The following CMIP variants were observed in gnomAD, a reference collection of about 807,000 sequenced individuals.
The protein encoded by CMIP is c-Maf inducing protein.
In CMIP, 13 loss-of-function variants were observed where a neutral mutation model predicts 97.3. The ratio of observed to expected loss-of-function variants is 0.13; its 90% CI spans 0.09 to 0.21. The LOEUF (loss-of-function observed/expected upper bound fraction) is 0.21. CMIP is among the 10% of genes least tolerant of loss of function. The pLI, the probability that CMIP is intolerant of heterozygous loss-of-function variation, is 1.00. For synonymous variants in CMIP, 538 were observed against 436.3 expected, an observed-to-expected ratio of 1.23 and a Z score of -2.91; for missense variants, 847 against 1,024.9, an observed-to-expected ratio of 0.83 and a Z score of 2.37.
At position 81,678,657 on chromosome 16, in the gene CMIP, C is replaced by G. The variant is rs780655020; in HGVS notation, c.1388+29C>G. ...AGTGCCCCCCCCGCGTGCCCGCCCC[C>G]GGGGCCGGTGGGAGGAGACTGGGCT... On this transcript the variant is annotated intron_variant, in intron 10 of 20. Transcript: ENST00000537098. The G allele has an allele frequency of 8.0e-6, 9 of 1,118,746 alleles. No homozygotes were observed. The African/African-American group carries it at 9.1e-5, about 11-fold the overall frequency. 69.3% of individuals were successfully genotyped at this position (1,118,746 alleles called of 1,614,324 possible). A position where few individuals can be genotyped will look rare whatever the true frequency, so the allele number is the denominator to read the frequency against.
In CMIP at chr16:81,476,368, GA is replaced by G. The variant is rs1377816966; in HGVS notation, c.300+30829del. On this transcript the variant is annotated intron_variant, in intron 1 of 20. Coordinates refer to ENST00000537098, the MANE Select transcript of CMIP (RefSeq NM_198390.3). Reference sequence around the variant, plus strand: ...CCCTGGAATGTTCCTGTGAAAGCAGGAACCCTTATAACCAACTCCTTTCTCT... The same window carrying G: ...CCCTGGAATGTTCCTGTGAAAGCAGGACCCTTATAACCAACTCCTTTCTCT... 6.9e-6 allele frequency: 9 copies of G among 1,303,176 alleles called. No homozygotes were observed. The African/African-American group carries it at 1.3e-4, about 19-fold the overall frequency. The allele number at this position is 1,303,176 out of a possible 1,614,324, so 80.7% of individuals were successfully genotyped here. A position where few individuals can be genotyped will look rare whatever the true frequency, so the allele number is the denominator to read the frequency against.
chr16:81,678,208 C>A, intron 9 of CMIP, 67 bp from the exon 10 acceptor site: 1 of 1,255,278 alleles, frequency 8.0e-7, no homozygotes, highest in Non-Finnish European at 1.1e-6. Flanking sequence ...GGCCTTTAGT[C>A]TGATGGGTCA....
intron 1 of CMIP, among the ~76,000 whole-genome samples, chr16:81,576,915 ACAT>A (rs1032649872): frequency 2.2e-4 from 33 of 152,162 alleles, no homozygotes; most frequent in African/African-American, 7.7e-4. Context: ...TGCTCTGATC[ACAT>A]CATCACCACC....
rs570263484 is a variant in CMIP at position 81,449,102 on chromosome 16, T to A, written c.300+3561T>A. Among the ~76,000 whole-genome samples the A allele has an allele frequency of 2.6e-5, 4 of 152,274 alleles. 1 individual carries two copies. The highest frequency in any genetic ancestry group is 5.9e-5 in the Non-Finnish European group (4 of 68,046). On this transcript the variant is annotated intron_variant, in intron 1 of 20. Transcript: ENST00000537098. ...GAGGGCTTTGTCTGTAGGCTTTGTTTCTTCTGCACCACAGAAGTACAAATA... is the reference window on the plus strand; with the variant it reads ...GAGGGCTTTGTCTGTAGGCTTTGTTACTTCTGCACCACAGAAGTACAAATA...
At chr16:81,648,955 C>T (rs1331607413) in intron 3 of CMIP, among the ~76,000 whole-genome samples, 1 of 152,062 alleles carries the variant, frequency 6.6e-6, no homozygotes, top group Non-Finnish European at 1.5e-5. Context: ...ATATCATGTG[C>T]TTGACAGTGC....
At chr16:81,678,183 C>G in intron 9 of CMIP, 92 bp from the exon 10 acceptor site, 2 of 954,692 alleles carry the variant, frequency 2.1e-6, no homozygotes, top group East Asian at 5.3e-5. Context: ...TTGGCCTCAT[C>G]CTGGGATTCA....
intron 1 of CMIP, among the ~76,000 whole-genome samples, chr16:81,516,739 T>C (rs183303381): frequency 6.6e-6 from 1 of 152,342 alleles, no homozygotes; most frequent in East Asian, 1.9e-4. Context: ...TGTACCACTG[T>C]GTCTGGGATG....
intron 1 of CMIP, among the ~76,000 whole-genome samples, chr16:81,561,846 A>G (rs1263620592): frequency 2.0e-5 from 3 of 152,356 alleles, no homozygotes; most frequent in Non-Finnish European, 4.4e-5. Context: ...TCAGATGCTC[A>G]GTAGCCAGCC....
intron 1 of CMIP, among the ~76,000 whole-genome samples, chr16:81,554,999 C>T (rs2090733588): frequency 6.6e-6 from 1 of 152,178 alleles, no homozygotes; most frequent in Admixed American, 6.5e-5. Flanking sequence ...GTAAGTCTGC[C>T]TCGACACACC....
intron 3 of CMIP, among the ~76,000 whole-genome samples, chr16:81,650,120 C>T (rs1181350205): frequency 3.9e-5 from 6 of 152,180 alleles, no homozygotes; most frequent in Admixed American, 6.5e-5. Context: ...CTGTCACCAT[C>T]GTCAACATCA....
chr16:81,562,097 G>C (rs2090894470), intron 1 of CMIP, among the ~76,000 whole-genome samples: 1 of 152,156 alleles, frequency 6.6e-6, no homozygotes. Flanking sequence ...GGAAGTGAGG[G>C]TTCCATGGTT....
At position 81,710,139 on chromosome 16, in the gene CMIP, C is replaced by G. The variant is rs1056682408; in HGVS notation, c.*340C>G. 7.5e-5 allele frequency: 24 copies of G among 318,772 alleles called. No individual in the cohort carries two copies. Among genetic ancestry groups the G allele is most frequent in the Non-Finnish European group, 3.6e-5 (6 of 168,906 alleles). 19.7% of individuals were successfully genotyped at this position (318,772 alleles called of 1,614,324 possible). A position where few individuals can be genotyped will look rare whatever the true frequency, so the allele number is the denominator to read the frequency against. On this transcript the variant is annotated 3_prime_UTR_variant, in exon 21 of 21. Transcript: ENST00000537098. Reference sequence around the variant, plus strand: ...TTTTCTTTGCCTTTGTGTTTGATGCCGTCGTGTGGGAAAAGTCAACTCCGA... The same window carrying G: ...TTTTCTTTGCCTTTGTGTTTGATGCGGTCGTGTGGGAAAAGTCAACTCCGA...
At position 81,620,908 on chromosome 16, in the gene CMIP, C is replaced by T. The variant is rs1031777271; in HGVS notation, c.459C>T (p.Phe153=). 1 of 1,613,972 alleles carries T rather than the reference C, an allele frequency of 6.2e-7. No individual in the cohort carries two copies. The highest frequency in any genetic ancestry group is 8.5e-7 in the Non-Finnish European group (1 of 1,179,882). ...AANSYLRDQW[F]HSLQWKKKIY... ...ATAGCTACCTGCGAGACCAGTGGTT[C>T]CATTCTCTGCAATGGAAGGTAAGTA... The change falls in exon 3 of 21, where the codon TTC becomes TTT. Residue 153 remains phenylalanine (F), a synonymous_variant. Transcript: ENST00000537098.
At position 81,696,636 on chromosome 16, in the gene CMIP, G is replaced by A; in HGVS notation, c.1607G>A (p.Cys536Tyr). The stretch of plus-strand genomic sequence containing the variant: ...CTCTACAGCCCCGGAGGGGTGGCCT[G>A]CGACGATGACGGGGAGCTGTTCGCC... ...FQLYSPGGVA[C>Y]DDDGELFASM... Residue 536 changes from cysteine (C) to tyrosine (Y), a missense_variant, in exon 14 of 21, where the codon TGC becomes TAC. By Grantham distance (194) the Cys-to-Tyr change is radical (BLOSUM62 -2). Around this residue, in one of 4 missense-constraint regions of CMIP, gnomAD observed 266 missense variants for 384.2 expected, o/e 0.69. Coordinates refer to ENST00000537098, the MANE Select transcript of CMIP (RefSeq NM_198390.3). The A allele has an allele frequency of 1.9e-6, 3 of 1,607,126 alleles. No homozygotes were observed. Among genetic ancestry groups the A allele is most frequent in the Non-Finnish European group, 1.7e-6 (2 of 1,179,822 alleles).
At chr16:81,677,748 C>A (rs957131793) in intron 9 of CMIP, among the ~76,000 whole-genome samples, 1 of 152,116 alleles carries the variant, frequency 6.6e-6, no homozygotes, top group Non-Finnish European at 1.5e-5. Context: ...GTGGGGGTTC[C>A]GCAGACAGAA....
intron 1 of CMIP, among the ~76,000 whole-genome samples, chr16:81,521,128 C>T (rs1454774072): frequency 1.3e-5 from 2 of 152,190 alleles, no homozygotes; most frequent in Admixed American, 1.3e-4. Flanking sequence ...GGCTTTTATA[C>T]CAAAAAATGG....
chr16:81,592,320 T>G (rs1036854389), intron 1 of CMIP, among the ~76,000 whole-genome samples: 11 of 152,186 alleles, frequency 7.2e-5, no homozygotes, highest in African/African-American at 2.7e-4. Flanking sequence ...TACCCAAGCC[T>G]CCTCTGACAA....
chr16:81,615,709 T>C (rs1206761097), intron 2 of CMIP, among the ~76,000 whole-genome samples: 1 of 151,328 alleles, frequency 6.6e-6, no homozygotes, highest in African/African-American at 2.4e-5. Context: ...GTGTCGTGTG[T>C]GTGCATGTGT....
At chr16:81,538,508 C>A (rs1158845909) in intron 1 of CMIP, among the ~76,000 whole-genome samples, 1 of 152,196 alleles carries the variant, frequency 6.6e-6, no homozygotes, top group South Asian at 2.1e-4. Context: ...GTTCTTACTT[C>A]GCGAGCTGAG....
Sources: allele counts gnomAD v4.1 joint callset (sites outside exome capture counted in the v4.1 genomes callset), GRCh38; gene constraint gnomAD v4.1.1; regional missense constraint gnomAD v4.1.1; transcripts MANE v1.5; gene names NCBI Gene and HGNC (gene_info 2026-07-23, HGNC 2026-07-21).